Variants in SLC12A7 observed in about 807,000 individuals in gnomAD.
The protein encoded by SLC12A7 is solute carrier family 12 member 7, also known as K-Cl cotransporter 4.
In SLC12A7, 100 loss-of-function variants were observed where a neutral mutation model predicts 120.6. The observed-to-expected ratio is 0.83, with a 90% CI of 0.71 to 0.98. The LOEUF is 0.98. SLC12A7 is among the 50% of genes least tolerant of loss of function. SLC12A7 has a pLI of 0.00. For synonymous variants in SLC12A7, 760 were observed against 678.0 expected, an observed-to-expected ratio of 1.12 and a Z score of -1.88; for missense variants, 1,373 against 1,548.1, an observed-to-expected ratio of 0.89 and a Z score of 1.90.
the SLC12A7 span, among the ~76,000 whole-genome samples, chr5:1,143,449 A>G: frequency 1.3e-5 from 2 of 152,076 alleles, no homozygotes; most frequent in African/African-American, 4.8e-5. Flanking sequence ...CTCTGCACAC[A>G]CGCATCCCTG....
chr5:1,147,250 AC>A, the SLC12A7 span, among the ~76,000 whole-genome samples: 5 of 108,688 alleles, frequency 4.6e-5, no homozygotes, highest in African/African-American at 1.0e-4. Flanking sequence ...CCACCCCGCC[AC>A]CCCCCCCGCC....
intron 1 of SLC12A7, among the ~76,000 whole-genome samples, chr5:1,097,028 T>TC (rs1179373362): frequency 6.6e-6 from 1 of 152,050 alleles, no homozygotes; most frequent in East Asian, 1.9e-4. Flanking sequence ...AAGTTTCTCT[T>TC]CCCCGCAGGA....
chr5:1,128,953 G>A, the SLC12A7 span, among the ~76,000 whole-genome samples: 1 of 152,180 alleles, frequency 6.6e-6, no homozygotes, highest in African/African-American at 2.4e-5. Context: ...CCCCATGTGC[G>A]TCCAACACAC....
At chr5:1,150,056 A>G in the SLC12A7 span, among the ~76,000 whole-genome samples, 1 of 152,180 alleles carries the variant, frequency 6.6e-6, no homozygotes, top group Non-Finnish European at 1.5e-5. Flanking sequence ...AACAATAAAA[A>G]CAGAGAAATA....
At chr5:1,100,968 C>G (rs1363230679) in intron 1 of SLC12A7, among the ~76,000 whole-genome samples, 1 of 152,168 alleles carries the variant, frequency 6.6e-6, no homozygotes, top group African/African-American at 2.4e-5. Context: ...GACCACCCAC[C>G]AGGAGCCCTC....
the SLC12A7 span, among the ~76,000 whole-genome samples, chr5:1,119,574 G>A: frequency 3.3e-5 from 5 of 152,254 alleles, no homozygotes; most frequent in South Asian, 2.1e-4. Context: ...CTGGTTGGGC[G>A]GTGAGGTTCA....
In SLC12A7 at chr5:1,050,707, G is replaced by A. The variant is rs577817801; in HGVS notation, c.*1653C>T. 14 of 396,018 alleles carry A rather than the reference G, an allele frequency of 3.5e-5. No homozygotes were observed. Among genetic ancestry groups the A allele is most frequent in the East Asian group, 1.1e-4 (3 of 28,002 alleles). 24.5% of individuals were successfully genotyped at this position (396,018 alleles called of 1,614,324 possible). ...AGGTGCAGGGGACACAGGACCTGCCGGCCCCATCCAGACATGGAGGAGCGT... is the reference window on the plus strand; with the variant it reads ...AGGTGCAGGGGACACAGGACCTGCCAGCCCCATCCAGACATGGAGGAGCGT... On this transcript the variant is annotated 3_prime_UTR_variant, in exon 24 of 24. Coordinates refer to ENST00000264930, the MANE Select transcript of SLC12A7 (RefSeq NM_006598.3).
At chr5:1,136,752 C>T in the SLC12A7 span, among the ~76,000 whole-genome samples, 1 of 146,662 alleles carries the variant, frequency 6.8e-6, no homozygotes, top group Non-Finnish European at 1.5e-5. Flanking sequence ...AACACCAGGA[C>T]ACGCAGGCAC....
At chr5:1,061,012 AGTCTCACCCGCCG>A (rs1736143996) in intron 20 of SLC12A7, among the ~76,000 whole-genome samples, 2 of 127,814 alleles carry the variant, frequency 1.6e-5, no homozygotes, top group African/African-American at 6.6e-5. Context: ...AGGATCCCTG[AGTCTCACCCGCCG>A]CACCCGCCGT....
chr5:1,123,568 G>T, the SLC12A7 span, among the ~76,000 whole-genome samples: 1 of 152,240 alleles, frequency 6.6e-6, no homozygotes, highest in South Asian at 2.1e-4. Context: ...CCCACTGAGG[G>T]GTAGCAGCTC....
chr5:1,152,895 T>A, the SLC12A7 span, among the ~76,000 whole-genome samples: 1 of 152,196 alleles, frequency 6.6e-6, no homozygotes, highest in Non-Finnish European at 1.5e-5. Context: ...AGGCCACACA[T>A]CTGCAAGGGA....
At chr5:1,058,705 G>A (rs1250713771) in intron 21 of SLC12A7, among the ~76,000 whole-genome samples, 1 of 152,248 alleles carries the variant, frequency 6.6e-6, no homozygotes, top group Non-Finnish European at 1.5e-5. Flanking sequence ...GACACAGACA[G>A]TGGGCCCCAG....
chr5:1,132,479 G>A, the SLC12A7 span, among the ~76,000 whole-genome samples: 1 of 151,812 alleles, frequency 6.6e-6, no homozygotes, highest in Non-Finnish European at 1.5e-5. Flanking sequence ...CTTGTGTGAG[G>A]TCCAAGAACC....
chr5:1,082,535 T>TG (rs1739294559), intron 8 of SLC12A7, among the ~76,000 whole-genome samples: 1 of 138,888 alleles, frequency 7.2e-6, no homozygotes, highest in Admixed American at 7.3e-5. Context: ...TCTCAGGTTC[T>TG]GGAAAGTCCG....
chr5:1,107,307 T>C (rs957921977), intron 1 of SLC12A7, among the ~76,000 whole-genome samples: 2 of 152,206 alleles, frequency 1.3e-5, no homozygotes, highest in Admixed American at 6.5e-5. Flanking sequence ...TGGGTCGCTT[T>C]CTGTGCTTTA....
At chr5:1,136,969 T>C in the SLC12A7 span, among the ~76,000 whole-genome samples, 1 of 146,060 alleles carries the variant, frequency 6.8e-6, no homozygotes, top group Non-Finnish European at 1.5e-5. Flanking sequence ...CACACACACA[T>C]GTACTCACAC....
Position 1,065,362 on chromosome 5 carries a change from C to T in SLC12A7, c.2358G>A (p.Leu786=), listed in dbSNP as rs758737204. The T allele has an allele frequency of 1.2e-6, 2 of 1,612,244 alleles. No individual in the cohort carries two copies. The highest frequency in any genetic ancestry group is 1.1e-5 in the South Asian group (1 of 91,022). Residue 786 remains leucine (L), a synonymous_variant, in exon 18 of 24, where the codon CTG becomes CTA. Transcript: ENST00000264930. ...HLIQSAGLGG[L]KHNTVLMAWP... ...AGGCCATGAGCACCGTGTTGTGCTT[C>T]AGGCCGCCCAGGCCGGCCGACTGGA... is the stretch of plus-strand genomic sequence containing the variant.
the SLC12A7 span, among the ~76,000 whole-genome samples, chr5:1,119,908 G>A: frequency 6.6e-6 from 1 of 152,100 alleles, no homozygotes; most frequent in East Asian, 1.9e-4. Flanking sequence ...CTGCCTCCCC[G>A]CAAAAATCCA....
At chr5:1,136,907 G>A in the SLC12A7 span, among the ~76,000 whole-genome samples, 1 of 150,140 alleles carries the variant, frequency 6.7e-6, no homozygotes, top group African/African-American at 2.5e-5. Context: ...AGGCACACAT[G>A]TGCTCAGACA....
Sources: gnomAD v4.1 joint callset for allele counts (sites outside exome capture counted in the v4.1 genomes callset) on GRCh38, gnomAD v4.1.1 for gene constraint, MANE v1.5 for transcripts, NCBI Gene and HGNC (gene_info 2026-07-23, HGNC 2026-07-21) for gene names.